CSMD3: variants seen among roughly 807,000 people sequenced by gnomAD.
The protein encoded by CSMD3 is CUB and Sushi multiple domains 3, also known as CUB and sushi domain-containing protein 3.
A neutral mutation model predicts 435.2 loss-of-function variants in CSMD3; 177 were observed. That is an observed-to-expected ratio of 0.41 (90% CI 0.36 to 0.46). CSMD3 has a LOEUF of 0.46. Among genes scored for constraint, CSMD3 ranks in the 20% least tolerant of loss-of-function variants. The probability of loss-of-function intolerance (pLI) is 0.34; values close to 1 mark genes in which losing one functional copy is unlikely to be tolerated. For missense variants in CSMD3, 4,265 were observed against 4,504.6 expected (o/e 0.95, Z 1.52); for synonymous variants, 1,656 against 1,520.5 (o/e 1.09, Z -2.07).
At chr8:112,942,813 T>C (rs1287292858) in intron 9 of CSMD3, among the ~76,000 whole-genome samples, 2 of 151,782 alleles carry the variant, frequency 1.3e-5, no homozygotes, top group Non-Finnish European at 2.9e-5. Context: ...TTTAAATCCC[T>C]GTGACATACA....
intron 27 of CSMD3, among the ~76,000 whole-genome samples, chr8:112,547,051 T>A (rs1329345773): frequency 6.6e-6 from 1 of 152,164 alleles, no homozygotes; most frequent in East Asian, 1.9e-4. Context: ...GACAGCTATT[T>A]GCTCAAAAGA....
intron 1 of CSMD3, among the ~76,000 whole-genome samples, chr8:113,416,234 T>C (rs1317749749): frequency 6.6e-6 from 1 of 152,120 alleles, no homozygotes; most frequent in African/African-American, 2.4e-5. Flanking sequence ...TAAAATAGGA[T>C]AGACTACTGT....
At chr8:112,423,059 A>G (rs1812687724) in intron 32 of CSMD3, among the ~76,000 whole-genome samples, 1 of 152,206 alleles carries the variant, frequency 6.6e-6, no homozygotes, top group Admixed American at 6.5e-5. Flanking sequence ...GTATTGCTGA[A>G]GGAACACATT....
At chr8:112,248,033 G>T (rs1366363222) in intron 63 of CSMD3, among the ~76,000 whole-genome samples, 1 of 152,044 alleles carries the variant, frequency 6.6e-6, no homozygotes, top group Non-Finnish European at 1.5e-5. Flanking sequence ...GGAAGCAGGG[G>T]TATATAGTAA....
At chr8:112,940,419 G>A (rs1336351694) in intron 9 of CSMD3, among the ~76,000 whole-genome samples, 1 of 151,600 alleles carries the variant, frequency 6.6e-6, no homozygotes, top group Non-Finnish European at 1.5e-5. Context: ...AGTCAGAAAA[G>A]GCATCAATTA....
chr8:113,019,316 G>C, intron 5 of CSMD3, 137 bp from the exon 6 acceptor site: 3 of 680,726 alleles, frequency 4.4e-6, no homozygotes, highest in Non-Finnish European at 2.7e-6. Context: ...AAATGAAATA[G>C]TTCTTTTATG....
intron 3 of CSMD3, among the ~76,000 whole-genome samples, chr8:113,206,133 T>C (rs2092768379): frequency 6.6e-6 from 1 of 152,180 alleles, no homozygotes; most frequent in Non-Finnish European, 1.5e-5. Context: ...ATGTTCTGTC[T>C]GGCTCTTTGT....
intron 13 of CSMD3, among the ~76,000 whole-genome samples, chr8:112,751,858 T>C (rs1008641141): frequency 1.1e-4 from 17 of 152,138 alleles, no homozygotes; most frequent in South Asian, 1.0e-3. Context: ...ATGCAGGATA[T>C]GCAGGTTTGT....
intron 13 of CSMD3, among the ~76,000 whole-genome samples, chr8:112,733,274 T>C (rs2077114391): frequency 6.6e-6 from 1 of 152,094 alleles, no homozygotes; most frequent in Non-Finnish European, 1.5e-5. Flanking sequence ...TTAAGCATCA[T>C]ATTGACACAT....
intron 40 of CSMD3, among the ~76,000 whole-genome samples, chr8:112,346,602 G>T (rs1295934549): frequency 6.9e-6 from 1 of 145,954 alleles, no homozygotes; most frequent in Non-Finnish European, 1.5e-5. Context: ...GTAAAATCAA[G>T]CCAACCACTT....
At chr8:113,063,544 G>C (rs2088709281) in intron 5 of CSMD3, among the ~76,000 whole-genome samples, 1 of 151,824 alleles carries the variant, frequency 6.6e-6, no homozygotes. Flanking sequence ...GATTTCCTTT[G>C]AAAATTAAAA....
chr8:112,635,586 C>T (rs543325641), intron 22 of CSMD3, among the ~76,000 whole-genome samples: 1 of 152,026 alleles, frequency 6.6e-6, no homozygotes, highest in African/African-American at 2.4e-5. Context: ...CACCTCCCAA[C>T]TTCAAGCCTC....
At chr8:112,819,192 G>A (rs1241750111) in intron 12 of CSMD3, among the ~76,000 whole-genome samples, 1 of 152,058 alleles carries the variant, frequency 6.6e-6, no homozygotes, top group Non-Finnish European at 1.5e-5. Context: ...CATGCAGGCT[G>A]GGCTGACATG....
chr8:112,987,876 C>T (rs1414446336), intron 6 of CSMD3, among the ~76,000 whole-genome samples: 1 of 151,814 alleles, frequency 6.6e-6, no homozygotes, highest in Non-Finnish European at 1.5e-5. Flanking sequence ...TTTTTGTTTC[C>T]TGAGAGTCTA....
intron 6 of CSMD3, among the ~76,000 whole-genome samples, chr8:112,979,917 A>G (rs1156393658): frequency 6.6e-6 from 1 of 151,050 alleles, no homozygotes; most frequent in Admixed American, 6.6e-5. Context: ...ACTAACAAAA[A>G]TGAAATAAAA....
chr8:112,345,917 T>G (rs1406608672), intron 41 of CSMD3, among the ~76,000 whole-genome samples, 180 bp downstream of exon 41: 1 of 152,102 alleles, frequency 6.6e-6, no homozygotes, highest in Admixed American at 6.6e-5. Context: ...CCAAGTGAAA[T>G]GTATTTGACT....
At chr8:113,192,012 C>T (rs1253676317) in intron 3 of CSMD3, among the ~76,000 whole-genome samples, 2 of 151,800 alleles carry the variant, frequency 1.3e-5, no homozygotes, top group Non-Finnish European at 2.9e-5. Flanking sequence ...TGATAATGAG[C>T]ATTTTTTCAT....
intron 3 of CSMD3, among the ~76,000 whole-genome samples, chr8:113,259,222 G>A (rs2093407354): frequency 6.6e-6 from 1 of 152,238 alleles, no homozygotes; most frequent in South Asian, 2.1e-4. Context: ...GAGCCAATGA[G>A]AAGTTAGTAG....
intron 36 of CSMD3, among the ~76,000 whole-genome samples, chr8:112,385,674 T>C (rs1225801196): frequency 6.6e-6 from 1 of 152,158 alleles, no homozygotes; most frequent in Non-Finnish European, 1.5e-5. Flanking sequence ...ACGTCACATG[T>C]GTTGCTGTAG....
Sources: allele counts gnomAD v4.1 joint callset (sites outside exome capture counted in the v4.1 genomes callset), GRCh38; gene constraint gnomAD v4.1.1; transcripts MANE v1.5; gene names NCBI Gene and HGNC (gene_info 2026-07-23, HGNC 2026-07-21).